Variants in NFASC observed in about 807,000 individuals in gnomAD.
NFASC encodes neurofascin homolog.
A neutral mutation model predicts 147.5 loss-of-function variants in NFASC; 43 were observed. The ratio of observed to expected loss-of-function variants is 0.29; its 90% CI spans 0.23 to 0.38. The LOEUF (loss-of-function observed/expected upper bound fraction) is 0.38. NFASC is among the 10% of genes least tolerant of loss of function. The pLI is 1.00. For missense variants in NFASC, 1,320 were observed against 1,689.0 expected, an observed-to-expected ratio of 0.78 and a Z score of 3.83; for synonymous variants, 622 against 665.5, an observed-to-expected ratio of 0.93 and a Z score of 1.01.
intron 1 of NFASC, among the ~76,000 whole-genome samples, chr1:204,860,352 T>A (rs1459202022): frequency 6.6e-6 from 1 of 152,180 alleles, no homozygotes; most frequent in Non-Finnish European, 1.5e-5. Flanking sequence ...CTGATAAGTT[T>A]TGGTGTGGTG....
intron 1 of NFASC, among the ~76,000 whole-genome samples, chr1:204,912,524 C>T (rs2087851234): frequency 6.6e-6 from 1 of 151,104 alleles, no homozygotes; most frequent in African/African-American, 2.4e-5. Context: ...TAGCAAGACG[C>T]CCCATCTCTA....
rs571582846 is a variant in NFASC, at chr1:204,883,930, G to A, written c.-199-36702G>A. Among the ~76,000 whole-genome samples the A allele has an allele frequency of 5.3e-5, 8 of 152,316 alleles. No individual in the cohort carries two copies. In the South Asian group the frequency reaches 1.5e-3, roughly 28 times the overall value. On this transcript the variant is annotated intron_variant, in intron 1 of 29. Transcript: ENST00000339876. ...CGGATGTCCTGACACCTAGCGTGGT[G>A]CTCCCTCTGCCATCTCCTGATCAGG...
At chr1:204,843,817 T>G (rs2102548892) in intron 1 of NFASC, among the ~76,000 whole-genome samples, 1 of 152,250 alleles carries the variant, frequency 6.6e-6, no homozygotes, top group East Asian at 1.9e-4. Flanking sequence ...GTTCAAGCGA[T>G]TCTCCTGCCT....
chr1:204,917,768 A>G (rs769550926), intron 1 of NFASC, among the ~76,000 whole-genome samples: 9 of 151,994 alleles, frequency 5.9e-5, no homozygotes, highest in Non-Finnish European at 1.0e-4. Flanking sequence ...CTTTTTTGGT[A>G]TGACAGTATG....
intron 1 of NFASC, among the ~76,000 whole-genome samples, chr1:204,829,488 A>AC (rs1367464289): frequency 6.7e-6 from 1 of 149,054 alleles, no homozygotes; most frequent in Non-Finnish European, 1.5e-5. Context: ...TGGCCTCTGG[A>AC]CCCCCCTTCC....
At chr1:204,902,048 C>G (rs1001319754) in intron 1 of NFASC, among the ~76,000 whole-genome samples, 9 of 152,150 alleles carry the variant, frequency 5.9e-5, no homozygotes, top group African/African-American at 2.2e-4. Context: ...AATCCCAACA[C>G]TTTAGAAGGC....
At chr1:204,842,816 T>G (rs1010374420) in intron 1 of NFASC, among the ~76,000 whole-genome samples, 2 of 152,264 alleles carry the variant, frequency 1.3e-5, no homozygotes, top group Admixed American at 1.3e-4. Flanking sequence ...CGCAGATTCC[T>G]GCCTCCTTTC....
chr1:204,976,687 G>A lies in NFASC; in HGVS notation c.1723G>A (p.Asp575Asn), dbSNP rs751995224. The A allele has an allele frequency of 8.1e-6, 13 of 1,613,550 alleles. No homozygotes were observed. The highest frequency in any genetic ancestry group is 4.5e-5 in the East Asian group (2 of 44,884). Residue 575 changes from aspartate (D) to asparagine (N), a missense_variant, in exon 16 of 30, where the codon GAC (aspartate) becomes AAC (asparagine). Transcript: ENST00000339876. ...CCTTTGCAGGATGAAGAAGGAAGAC[G>A]ACTCCCTGACCATCTTTGGGGTGGC... ...YIGNRMKKED[D>N]SLTIFGVAER...
At chr1:204,950,451 C>T (rs964448022) in intron 3 of NFASC, 106 bp from the exon 4 acceptor site, 1 of 1,058,030 alleles carries the variant, frequency 9.5e-7, no homozygotes, top group Non-Finnish European at 1.4e-6. Context: ...CCAGGCACAC[C>T]CCGCCCACTC....
rs1160689375 is a variant in NFASC at position 205,019,668 on chromosome 1, T to A, written c.*3129T>A. On this transcript the variant is annotated 3_prime_UTR_variant, in exon 30 of 30. Coordinates refer to ENST00000339876, the MANE Select transcript of NFASC (RefSeq NM_001005388.3). ...TTCTTCCCTCTACCGCTTAAGCCAC[T>A]GATGGCTGCGAGCTTGAAGAGAGGG... The A allele has an allele frequency of 1.3e-5, 2 of 152,222 alleles. No individual in the cohort carries two copies. The highest frequency in any genetic ancestry group is 2.4e-5 in the African/African-American group (1 of 41,446). 9.4% of individuals were successfully genotyped at this position (152,222 alleles called of 1,614,324 possible). A position where few individuals can be genotyped will look rare whatever the true frequency, so the allele number is the denominator to read the frequency against.
At chr1:204,835,764 G>C (rs1440628968) in intron 1 of NFASC, among the ~76,000 whole-genome samples, 2 of 152,104 alleles carry the variant, frequency 1.3e-5, no homozygotes, top group Non-Finnish European at 2.9e-5. Context: ...TTGCACTGCT[G>C]TCTCCCTGAT....
At chr1:204,997,868 T>C (rs2095879652) in intron 25 of NFASC, 2 of 211,008 alleles carry the variant, frequency 9.5e-6, no homozygotes, top group Admixed American at 1.1e-4. Context: ...CACGTCTGCG[T>C]CCGGCCTAGA....
intron 24 of NFASC, chr1:204,993,860 G>A (rs911346269): frequency 8.2e-6 from 4 of 487,166 alleles, no homozygotes; most frequent in African/African-American, 1.9e-5. Context: ...AGCCCCAGGG[G>A]ATGAAATAAT....
chr1:204,983,754 G>A (rs917516073), intron 21 of NFASC, among the ~76,000 whole-genome samples: 1 of 152,198 alleles, frequency 6.6e-6, no homozygotes, highest in African/African-American at 2.4e-5. Context: ...AGGACAAAAC[G>A]AAGGGGCTGA....
chr1:205,022,544 T>C lies in NFASC; in HGVS notation c.*6005T>C, dbSNP rs573934378. 9.2e-5 allele frequency: 14 copies of C among 152,782 alleles called. No homozygotes were observed. In the East Asian group the frequency reaches 2.5e-3, roughly 27 times the overall value. 9.5% of individuals were successfully genotyped at this position (152,782 alleles called of 1,614,324 possible). A position where few individuals can be genotyped will look rare whatever the true frequency, so the allele number is the denominator to read the frequency against. On this transcript the variant is annotated 3_prime_UTR_variant, in exon 30 of 30. Coordinates refer to ENST00000339876, the MANE Select transcript of NFASC (RefSeq NM_001005388.3). ...ACATTTAACTCCATGCCAGACCTTG[T>C]TTTAACCCCTCTCACATCATGTTCT...
chr1:205,007,024 G>A (rs1314614695), intron 27 of NFASC, among the ~76,000 whole-genome samples: 1 of 151,978 alleles, frequency 6.6e-6, no homozygotes, highest in Non-Finnish European at 1.5e-5. Context: ...AGAATAGAGG[G>A]GCTTGAAGTC....
chr1:204,951,630 G>A (rs1384934651), intron 4 of NFASC, among the ~76,000 whole-genome samples: 2 of 151,686 alleles, frequency 1.3e-5, no homozygotes, highest in Admixed American at 6.6e-5. Context: ...CACCACGCCC[G>A]GCTAATTTTT....
intron 8 of NFASC, among the ~76,000 whole-genome samples, chr1:204,967,145 G>C (rs1043471773): frequency 4.6e-5 from 7 of 152,166 alleles, no homozygotes; most frequent in Non-Finnish European, 1.0e-4. Context: ...GTCCTGCTGA[G>C]TCTAAGACCC....
chr1:204,888,031 C>T (rs2148987972), intron 1 of NFASC, among the ~76,000 whole-genome samples: 1 of 152,254 alleles, frequency 6.6e-6, no homozygotes, highest in East Asian at 1.9e-4. Context: ...TCCCCTGAGG[C>T]CTTGTGATAA....
Sources: gnomAD v4.1 joint callset for allele counts (sites outside exome capture counted in the v4.1 genomes callset) on GRCh38, gnomAD v4.1.1 for gene constraint, MANE v1.5 for transcripts, NCBI Gene and HGNC (gene_info 2026-07-23, HGNC 2026-07-21) for gene names.